The following CLSTN2 variants were observed in gnomAD, a reference collection of about 807,000 sequenced individuals.
CLSTN2 encodes the protein calsyntenin 2.
A neutral mutation model predicts 101.2 loss-of-function variants in CLSTN2; 48 were observed. That is an observed-to-expected ratio of 0.47 (90% confidence interval 0.38 to 0.60). The LOEUF is 0.60. Among genes scored for constraint, CLSTN2 ranks in the 20% least tolerant of loss-of-function variants. CLSTN2 has a pLI of 0.00. For missense variants in CLSTN2, 1,160 were observed against 1,238.2 expected (o/e 0.94, Z 0.95); for synonymous variants, 481 against 463.6 (o/e 1.04, Z -0.48).
intron 2 of CLSTN2, among the ~76,000 whole-genome samples, chr3:140,307,036 A>G (rs1284212948): frequency 1.3e-5 from 2 of 151,912 alleles, no homozygotes; most frequent in Non-Finnish European, 2.9e-5. Flanking sequence ...TTCTCATGAT[A>G]GTGAATAAGT....
chr3:139,954,012 G>A (rs1477900445), intron 1 of CLSTN2, among the ~76,000 whole-genome samples: 1 of 151,530 alleles, frequency 6.6e-6, no homozygotes, highest in African/African-American at 2.4e-5. Context: ...GAACATGTTG[G>A]GTTTGTTATA....
intron 1 of CLSTN2, among the ~76,000 whole-genome samples, chr3:139,989,021 C>A (rs1292037662): frequency 2.6e-5 from 4 of 152,176 alleles, no homozygotes; most frequent in African/African-American, 9.7e-5. Flanking sequence ...GCCCGCTAAC[C>A]TGAGACAGCT....
At chr3:140,410,833 C>T (rs1051279576) in intron 4 of CLSTN2, among the ~76,000 whole-genome samples, 1 of 152,114 alleles carries the variant, frequency 6.6e-6, no homozygotes, top group Non-Finnish European at 1.5e-5. Context: ...CTTTTATGTG[C>T]ATTTCATGTT....
rs937859448 is a variant in CLSTN2, at chr3:140,230,622, G to A, written c.232+54549G>A. 1.5e-4 allele frequency among the ~76,000 whole-genome samples: 23 copies of A among 152,274 alleles called. No individual in the cohort carries two copies. The East Asian group carries it at 4.2e-3, about 28-fold the overall frequency. On this transcript the variant is annotated intron_variant, in intron 2 of 16. Coordinates refer to ENST00000458420, the MANE Select transcript of CLSTN2 (RefSeq NM_022131.3). ...GACATATTGAAAAGAGACCATCCAT[G>A]AAACAGAAAGCTAGCTCTCTGCAGA...
chr3:140,516,550 A>ATTTTTT (rs111255841), intron 8 of CLSTN2, among the ~76,000 whole-genome samples: 2 of 142,794 alleles, frequency 1.4e-5, no homozygotes, highest in Non-Finnish European at 3.1e-5. Context: ...TTCTTTTGGC[A>ATTTTTT]TTTTTTTTTT....
At chr3:140,010,505 T>A (rs902690723) in intron 1 of CLSTN2, among the ~76,000 whole-genome samples, 2 of 152,208 alleles carry the variant, frequency 1.3e-5, no homozygotes, top group South Asian at 4.1e-4. Context: ...TGCTCTTTCC[T>A]GATAATTTCC....
intron 1 of CLSTN2, among the ~76,000 whole-genome samples, chr3:140,003,261 C>T (rs1158848937): frequency 1.3e-5 from 2 of 151,914 alleles, no homozygotes; most frequent in African/African-American, 2.4e-5. Context: ...CTTATATAAA[C>T]CTTTTACTTC....
intron 1 of CLSTN2, among the ~76,000 whole-genome samples, chr3:140,006,425 T>C (rs191197732): frequency 6.6e-6 from 1 of 152,348 alleles, no homozygotes; most frequent in East Asian, 1.9e-4. Flanking sequence ...AGCCTTTCCT[T>C]AGTCCATATG....
In CLSTN2 at chr3:140,004,513, A is replaced by G. The variant is rs181606133; in HGVS notation, c.109+69030A>G. Reference sequence around the variant, plus strand: ...GGAGCAGCAGGGAGGATGAACCTCTAAAAATATTTAAGCAGTCCTTCTTTA... The same window carrying G: ...GGAGCAGCAGGGAGGATGAACCTCTGAAAATATTTAAGCAGTCCTTCTTTA... On this transcript the variant is annotated intron_variant, in intron 1 of 16. Transcript: ENST00000458420. Among the ~76,000 whole-genome samples, 162 of 152,334 alleles carry G rather than the reference A, an allele frequency of 1.1e-3. 1 individual carries two copies. Among genetic ancestry groups the G allele is most frequent in the Non-Finnish European group, 1.7e-3 (117 of 68,034 alleles).
intron 1 of CLSTN2, among the ~76,000 whole-genome samples, chr3:140,098,397 G>C (rs1249734028): frequency 6.6e-6 from 1 of 152,124 alleles, no homozygotes; most frequent in East Asian, 1.9e-4. Flanking sequence ...CAAGTACTTG[G>C]CTACTAACAC....
chr3:140,576,746 T>A lies in CLSTN2; in HGVS notation c.*10493T>A, dbSNP rs1316959575. On this transcript the variant is annotated 3_prime_UTR_variant, in exon 17 of 17. Transcript: ENST00000458420. ...CCGGTGTCTCCCACAGTGGATGGCT[T>A]TGCCTCCAGCGGTGGACCAGTGTGT... 3.3e-5 allele frequency: 5 copies of A among 152,220 alleles called. No homozygotes were observed. The highest frequency in any genetic ancestry group is 1.2e-4 in the African/African-American group (5 of 41,456). 9.4% of individuals were successfully genotyped at this position (152,220 alleles called of 1,614,324 possible).
chr3:140,350,206 C>T (rs2107942196), intron 2 of CLSTN2, among the ~76,000 whole-genome samples: 1 of 152,360 alleles, frequency 6.6e-6, no homozygotes, highest in South Asian at 2.1e-4. Flanking sequence ...GAGCACATTT[C>T]AGAAGACCAA....
chr3:140,146,722 T>G (rs1401648148), intron 1 of CLSTN2, among the ~76,000 whole-genome samples: 1 of 152,238 alleles, frequency 6.6e-6, no homozygotes, highest in Non-Finnish European at 1.5e-5. Flanking sequence ...GATGGCCAAG[T>G]GCAGGAGACA....
chr3:140,166,887 A>G (rs1576452619), intron 1 of CLSTN2, among the ~76,000 whole-genome samples: 2 of 152,318 alleles, frequency 1.3e-5, no homozygotes, highest in East Asian at 1.9e-4. Flanking sequence ...AAACAGGGAT[A>G]TTATCTTGTC....
chr3:140,168,702 T>G (rs1340126856), intron 1 of CLSTN2, among the ~76,000 whole-genome samples: 1 of 152,082 alleles, frequency 6.6e-6, no homozygotes, highest in African/African-American at 2.4e-5. Context: ...TGGAGTTTAT[T>G]TTTTTGGCAT....
chr3:139,980,457 TG>T (rs1935894914), intron 1 of CLSTN2, among the ~76,000 whole-genome samples: 1 of 152,106 alleles, frequency 6.6e-6, no homozygotes, highest in Non-Finnish European at 1.5e-5. Flanking sequence ...TTATGGAAAA[TG>T]GTTCCATAGA....
At chr3:140,240,162 C>CTCTG (rs2086448891) in intron 2 of CLSTN2, among the ~76,000 whole-genome samples, 1 of 18,024 alleles carries the variant, frequency 5.5e-5, no homozygotes, top group African/African-American at 8.1e-5. Context: ...GTCTCTCTCT[C>CTCTG]TCTCTCTCTC....
intron 1 of CLSTN2, among the ~76,000 whole-genome samples, chr3:139,980,199 A>G (rs565417358): frequency 6.6e-6 from 1 of 152,040 alleles, no homozygotes; most frequent in Admixed American, 6.6e-5. Context: ...CCAGGCATCT[A>G]TGTTTCACAT....
intron 2 of CLSTN2, among the ~76,000 whole-genome samples, chr3:140,208,842 A>G (rs139590394): frequency 2.6e-5 from 4 of 152,224 alleles, no homozygotes; most frequent in Non-Finnish European, 5.9e-5. Context: ...TAGTTGGGAG[A>G]ATAAAGGGAG....
Sources: allele counts gnomAD v4.1 joint callset (sites outside exome capture counted in the v4.1 genomes callset), GRCh38; gene constraint gnomAD v4.1.1; transcripts MANE v1.5; gene names NCBI Gene and HGNC (gene_info 2026-07-23, HGNC 2026-07-21).